The following TMEM200A variants were observed in gnomAD, a reference collection of about 807,000 sequenced individuals.
TMEM200A encodes the protein transmembrane protein 200A.
TMEM200A carries 12 observed loss-of-function variants against 24.3 expected under a neutral mutation model. That is an observed-to-expected ratio of 0.49 (90% CI 0.32 to 0.80). The LOEUF is 0.80. Ranked by LOEUF, TMEM200A falls within the 30% of genes least tolerant of loss-of-function variation. The probability of loss-of-function intolerance (pLI) is 0.04; values close to 1 mark genes in which losing one functional copy is unlikely to be tolerated. For synonymous variants in TMEM200A, 224 were observed against 224.4 expected, an observed-to-expected ratio of 1.00 and a Z score of 0.02; for missense variants, 545 against 614.4, an observed-to-expected ratio of 0.89 and a Z score of 1.19.
chr6:130,416,749 T>C (rs184762105), intron 2 of TMEM200A, among the ~76,000 whole-genome samples: 5 of 152,262 alleles, frequency 3.3e-5, no homozygotes, highest in African/African-American at 1.2e-4. Context: ...GCAAATCTGA[T>C]CCTCTTCTAT....
At chr6:130,386,154 G>A (rs1048362597) in intron 2 of TMEM200A, among the ~76,000 whole-genome samples, 2 of 152,124 alleles carry the variant, frequency 1.3e-5, no homozygotes, top group Admixed American at 6.5e-5. Flanking sequence ...AGTAATCACA[G>A]CCCCTCTAAG....
At chr6:130,416,787 C>T (rs1162737532) in intron 2 of TMEM200A, among the ~76,000 whole-genome samples, 1 of 152,146 alleles carries the variant, frequency 6.6e-6, no homozygotes, top group Non-Finnish European at 1.5e-5. Flanking sequence ...ATCATGGTGT[C>T]TCCTAAGATA....
chr6:130,374,213 AGCCC>A (rs1778387010), intron 1 of TMEM200A, among the ~76,000 whole-genome samples: 2 of 152,072 alleles, frequency 1.3e-5, no homozygotes, highest in African/African-American at 4.8e-5. Flanking sequence ...AACCCCTGAC[AGCCC>A]CGCCTCTGTA....
At chr6:130,431,678 G>A (rs1006264265) in intron 2 of TMEM200A, among the ~76,000 whole-genome samples, 1 of 152,080 alleles carries the variant, frequency 6.6e-6, no homozygotes, top group African/African-American at 2.4e-5. Flanking sequence ...TGGCCTCCTG[G>A]AGACTTCTGT....
Position 130,366,017 on chromosome 6 carries a change from A to G in TMEM200A, c.-588A>G. 1.0e-6 allele frequency: 1 copy of G among 985,392 alleles called. No homozygotes were observed. Among genetic ancestry groups the G allele is most frequent in the Non-Finnish European group, 1.2e-6 (1 of 830,010 alleles). 61.0% of individuals were successfully genotyped at this position (985,392 alleles called of 1,614,324 possible). ...GGCGTGAGGTTTGGGGCTGGGATCC[A>G]TCTGGAGCCGAGCAGAAAACTTTTC... is the stretch of plus-strand genomic sequence containing the variant. On this transcript the variant is annotated 5_prime_UTR_variant, in exon 1 of 3. Transcript: ENST00000296978. The surrounding 1 kb of genome is among the most constrained non-coding windows in gnomAD (Gnocchi z 4.4).
At chr6:130,402,201 A>T (rs1276376802) in intron 2 of TMEM200A, among the ~76,000 whole-genome samples, 1 of 151,898 alleles carries the variant, frequency 6.6e-6, no homozygotes, top group Admixed American at 6.6e-5. Context: ...TATAATAAAC[A>T]AACAGAGTAT....
intron 1 of TMEM200A, chr6:130,382,983 A>G: frequency 2.0e-6 from 2 of 983,924 alleles, no homozygotes; most frequent in Non-Finnish European, 2.4e-6. Context: ...CTAGATCAGG[A>G]AGCAAACCAT....
intron 2 of TMEM200A, among the ~76,000 whole-genome samples, chr6:130,391,886 G>T (rs1778842322): frequency 6.6e-6 from 1 of 151,860 alleles, no homozygotes; most frequent in South Asian, 2.1e-4. Flanking sequence ...GGGATAACGG[G>T]TGCCCGCCAC....
intron 2 of TMEM200A, among the ~76,000 whole-genome samples, chr6:130,440,142 C>T (rs1780119974): frequency 6.6e-6 from 1 of 151,890 alleles, no homozygotes. Context: ...TCCTTGAGCT[C>T]ACATTTAATC....
chr6:130,413,269 G>T (rs1338442376), intron 2 of TMEM200A, among the ~76,000 whole-genome samples: 1 of 152,174 alleles, frequency 6.6e-6, no homozygotes, highest in African/African-American at 2.4e-5. Flanking sequence ...TATCTCAATT[G>T]TGTTGTGTTA....
intron 2 of TMEM200A, chr6:130,438,646 G>C (rs942842947): frequency 1.3e-5 from 2 of 152,210 alleles, no homozygotes; most frequent in African/African-American, 2.4e-5. Context: ...CACAAGAAGA[G>C]AATTTGTCCC....
chr6:130,402,230 A>T (rs548879507), intron 2 of TMEM200A, among the ~76,000 whole-genome samples: 10 of 152,194 alleles, frequency 6.6e-5, no homozygotes, highest in African/African-American at 1.9e-4. Context: ...AAAGACATAA[A>T]AATGATGAAA....
In TMEM200A at chr6:130,366,693, C is replaced by T. The variant is rs138580111; in HGVS notation, c.-81+169C>T. On this transcript the variant is annotated intron_variant, in intron 1 of 2. Transcript: ENST00000296978. The surrounding 1 kb of genome is among the most constrained non-coding windows in gnomAD (Gnocchi z 4.4). ...AGTTTGGGAAATAAACCAAGTCCGC[C>T]ATCAGGTCCAGACTCCCCAGTCCCG... 1.5e-5 allele frequency: 9 copies of T among 580,694 alleles called. No individual in the cohort carries two copies. In the East Asian group the frequency reaches 1.2e-3, roughly 74 times the overall value. 36.0% of individuals were successfully genotyped at this position (580,694 alleles called of 1,614,324 possible).
intron 1 of TMEM200A, among the ~76,000 whole-genome samples, chr6:130,375,032 C>T (rs1778417301): frequency 6.6e-6 from 1 of 152,104 alleles, no homozygotes; most frequent in African/African-American, 2.4e-5. Context: ...TCAATTTTTC[C>T]ACAACTATTA....
intron 2 of TMEM200A, among the ~76,000 whole-genome samples, chr6:130,407,907 T>TA: frequency 6.6e-6 from 1 of 152,248 alleles, no homozygotes; most frequent in East Asian, 1.9e-4. Context: ...TTTTTATTTT[T>TA]ATGTAACAAG....
At chr6:130,432,125 A>T (rs73626759) in intron 2 of TMEM200A, among the ~76,000 whole-genome samples, 152 of 152,238 alleles carry the variant, frequency 1.0e-3, no homozygotes, top group African/African-American at 3.4e-3. Context: ...TATCACTCTT[A>T]TGGCATCTTC....
chr6:130,430,818 A>G (rs1779858269), intron 2 of TMEM200A, among the ~76,000 whole-genome samples: 1 of 152,242 alleles, frequency 6.6e-6, no homozygotes, highest in South Asian at 2.1e-4. Context: ...AAAATTCTCT[A>G]GCAGAAATGA....
intron 2 of TMEM200A, among the ~76,000 whole-genome samples, chr6:130,427,350 C>T (rs1032403899): frequency 6.6e-6 from 1 of 152,132 alleles, no homozygotes; most frequent in African/African-American, 2.4e-5. Flanking sequence ...ATCATGTGAA[C>T]ATTTTTCATT....
Position 130,426,630 on chromosome 6 carries a change from A to C in TMEM200A, c.-16-13777A>C, listed in dbSNP as rs77031670. Among the ~76,000 whole-genome samples, 407 of 152,246 alleles carry C rather than the reference A, an allele frequency of 2.7e-3. 6 individuals carry two copies. The East Asian group carries it at 0.038, about 14-fold the overall frequency. On this transcript the variant is annotated intron_variant, in intron 2 of 2. Transcript: ENST00000296978. ...AGGTTAGAGCAAGCAAAGATCACTG[A>C]TGAGTTGGCATGAAGGTAGGTAGAC...
Sources: allele counts gnomAD v4.1 joint callset (sites outside exome capture counted in the v4.1 genomes callset), GRCh38; gene constraint gnomAD v4.1.1; non-coding constraint Gnocchi (gnomAD v3.1); transcripts MANE v1.5; gene names NCBI Gene and HGNC (gene_info 2026-07-23, HGNC 2026-07-21).